ZFHX3: variants seen among roughly 807,000 people sequenced by gnomAD.
The protein encoded by ZFHX3 is zinc finger homeobox 3.
ZFHX3 carries 42 observed loss-of-function variants against 279.1 expected under a neutral mutation model. The observed-to-expected ratio is 0.15, with a 90% CI of 0.12 to 0.19. The LOEUF is 0.19. Among genes scored for constraint, ZFHX3 ranks in the 10% least tolerant of loss-of-function variants. The pLI is 1.00. For missense variants in ZFHX3, 4,981 were observed against 4,754.0 expected, an observed-to-expected ratio of 1.05 and a Z score of -1.40; for synonymous variants, 2,293 against 1,957.8, an observed-to-expected ratio of 1.17 and a Z score of -4.52.
intron 3 of ZFHX3, among the ~76,000 whole-genome samples, chr16:73,428,031 A>G (rs2017842829): frequency 6.6e-6 from 1 of 152,130 alleles, no homozygotes; most frequent in Admixed American, 6.5e-5. Flanking sequence ...ACACACACAC[A>G]TGCATGCACA....
intron 1 of ZFHX3, among the ~76,000 whole-genome samples, chr16:73,792,553 A>G (rs1216666987): frequency 6.6e-6 from 1 of 152,196 alleles, no homozygotes; most frequent in Non-Finnish European, 1.5e-5. Context: ...CATTTGTCCT[A>G]ATAGGTTCCA....
At chr16:72,845,417 T>C (rs1228383943) in intron 4 of ZFHX3, among the ~76,000 whole-genome samples, 1 of 152,104 alleles carries the variant, frequency 6.6e-6, no homozygotes, top group East Asian at 1.9e-4. Context: ...GGCTCCATAA[T>C]GAAGTCATCG....
chr16:73,629,460 G>A (rs557158743), intron 2 of ZFHX3, among the ~76,000 whole-genome samples: 16 of 152,072 alleles, frequency 1.1e-4, no homozygotes, highest in African/African-American at 2.4e-4. Context: ...CACCCAAATC[G>A]AAATTTCATT....
chr16:72,935,858 G>A (rs957933233), intron 3 of ZFHX3, among the ~76,000 whole-genome samples: 7 of 151,996 alleles, frequency 4.6e-5, no homozygotes, highest in Non-Finnish European at 4.4e-5. Context: ...AGATCCCACC[G>A]GTAAGGATCT....
At chr16:73,498,763 C>T (rs563413394) in intron 2 of ZFHX3, among the ~76,000 whole-genome samples, 1 of 152,138 alleles carries the variant, frequency 6.6e-6, no homozygotes, top group Non-Finnish European at 1.5e-5. Context: ...CGGGAGCTCT[C>T]GAGCTGGAAT....
rs549706569 is a variant in ZFHX3 at position 73,620,851 on chromosome 16, T to C, written c.-1547+59329A>G. On this transcript the variant is annotated intron_variant, in intron 2 of 17. Coordinates refer to the ZFHX3 transcript ENST00000641206. ...TCAAAGTTAGTAGATGCACGAGAGA[T>C]GGTTGAGCAGAAGAGAAAAGGACCA... 1.4e-4 allele frequency among the ~76,000 whole-genome samples: 21 copies of C among 152,264 alleles called. No homozygotes were observed. In the South Asian group the frequency reaches 3.5e-3, roughly 26 times the overall value.
At chr16:73,250,373 T>C (rs2013444565) in intron 5 of ZFHX3, among the ~76,000 whole-genome samples, 1 of 152,236 alleles carries the variant, frequency 6.6e-6, no homozygotes, top group African/African-American at 2.4e-5. Flanking sequence ...CGTTCAGTTT[T>C]TGTGGATGTG....
intron 3 of ZFHX3, among the ~76,000 whole-genome samples, chr16:73,332,337 G>T (rs1214073174): frequency 6.6e-6 from 1 of 152,192 alleles, no homozygotes; most frequent in Admixed American, 6.5e-5. Context: ...ACCTGTGTTT[G>T]TGAGTGATTA....
At chr16:73,163,988 CAGAG>C (rs536808372) in intron 5 of ZFHX3, among the ~76,000 whole-genome samples, 30 of 152,102 alleles carry the variant, frequency 2.0e-4, no homozygotes, top group Non-Finnish European at 3.5e-4. Context: ...AGATGACCGT[CAGAG>C]AGGTTGGTTA....
chr16:72,831,076 G>T (rs1033836576), intron 4 of ZFHX3, among the ~76,000 whole-genome samples: 1 of 152,152 alleles, frequency 6.6e-6, no homozygotes, highest in African/African-American at 2.4e-5. Flanking sequence ...CTAGAAAACA[G>T]CCTCTACCCC....
At chr16:73,001,434 G>T (rs1418259310) in intron 1 of ZFHX3, among the ~76,000 whole-genome samples, 1 of 152,170 alleles carries the variant, frequency 6.6e-6, no homozygotes, top group Non-Finnish European at 1.5e-5. Context: ...GATAATAAGT[G>T]CTTGCCATTT....
At chr16:73,716,313 C>T (rs922748543) in intron 1 of ZFHX3, among the ~76,000 whole-genome samples, 1 of 152,130 alleles carries the variant, frequency 6.6e-6, no homozygotes, top group Non-Finnish European at 1.5e-5. Context: ...AAAGAAAATT[C>T]TAACACAGCC....
chr16:73,792,864 C>A (rs573211588), intron 1 of ZFHX3, among the ~76,000 whole-genome samples: 3 of 147,830 alleles, frequency 2.0e-5, no homozygotes, highest in Non-Finnish European at 3.0e-5. Flanking sequence ...GCACCCCCCC[C>A]CTCCCCTCTC....
intron 7 of ZFHX3, among the ~76,000 whole-genome samples, chr16:73,098,199 C>G (rs1358495636): frequency 6.6e-6 from 1 of 151,852 alleles, no homozygotes; most frequent in African/African-American, 2.4e-5. Flanking sequence ...TCCTGAGCAG[C>G]TGGGACTACA....
rs2039208549 is a variant in ZFHX3 at position 72,907,545 on chromosome 16, T to TGTGTGTGTGTGTGTGTGTGTGTGTG, written c.3217-17584_3217-17583insCACACACACACACACACACACACAC. On this transcript the variant is annotated intron_variant, in intron 3 of 9. Coordinates refer to ENST00000268489, the MANE Select transcript of ZFHX3 (RefSeq NM_006885.4). ...CTCGGTTTCCAAAGGTTTCCTCTAT[T>TGTGTGTGTGTGTGTGTGTGTGTGTG]TGTGTGTGTGTGTGTGTGTGTGTGT... Among the ~76,000 whole-genome samples, 3 of 120,404 alleles carry TGTGTGTGTGTGTGTGTGTGTGTGTG rather than the reference T, an allele frequency of 2.5e-5. No homozygotes were observed. In the Admixed American group the frequency reaches 2.7e-4, roughly 11 times the overall value. 79.0% of individuals were successfully genotyped at this position (120,404 alleles called of 152,430 possible).
At chr16:73,444,014 G>C (rs1199862462) in intron 3 of ZFHX3, among the ~76,000 whole-genome samples, 3 of 152,084 alleles carry the variant, frequency 2.0e-5, no homozygotes, top group South Asian at 2.1e-4. Context: ...TCCCACCTTG[G>C]CCTCCCAAAG....
At chr16:73,857,110 G>C (rs1961751762) in intron 1 of ZFHX3, among the ~76,000 whole-genome samples, 1 of 152,200 alleles carries the variant, frequency 6.6e-6, no homozygotes, top group Non-Finnish European at 1.5e-5. Context: ...GGATTTCCAT[G>C]CTCAGGAAGC....
rs984080768 is a variant in ZFHX3, at chr16:73,467,475, G to T, written c.-1546-11217C>A. Among the ~76,000 whole-genome samples the T allele has an allele frequency of 1.2e-4, 18 of 152,156 alleles. 1 individual carries two copies. Among genetic ancestry groups the T allele is most frequent in the African/African-American group, 4.3e-4 (18 of 41,436 alleles). On this transcript the variant is annotated intron_variant, in intron 2 of 17. Transcript: ENST00000641206. ...TGTAGAAATGAACAAGATGTAGGTA[G>T]CAGGGAAGTATTCAGGGGGTAGTGC...
At chr16:73,381,039 T>G (rs2016810649) in intron 3 of ZFHX3, among the ~76,000 whole-genome samples, 1 of 152,170 alleles carries the variant, frequency 6.6e-6, no homozygotes. Flanking sequence ...TTAACCACTA[T>G]TTTACTAGTT....
Sources: allele counts gnomAD v4.1 joint callset (sites outside exome capture counted in the v4.1 genomes callset), GRCh38; gene constraint gnomAD v4.1.1; transcripts MANE v1.5; gene names NCBI Gene and HGNC (gene_info 2026-07-23, HGNC 2026-07-21).